Variants in CSNK2A2 observed in about 807,000 individuals in gnomAD.
CSNK2A2 encodes casein kinase 2 alpha 2, also known as casein kinase II subunit alpha'.
A neutral mutation model predicts 54.0 loss-of-function variants in CSNK2A2; 8 were observed. The ratio of observed to expected loss-of-function variants is 0.15; its 90% CI spans 0.09 to 0.27. The LOEUF (loss-of-function observed/expected upper bound fraction) is 0.27. Ranked by LOEUF, CSNK2A2 falls within the 10% of genes least tolerant of loss-of-function variation. CSNK2A2 has a pLI of 1.00. For missense variants in CSNK2A2, 242 were observed against 439.4 expected (o/e 0.55, Z 4.02); for synonymous variants, 141 against 153.9 (o/e 0.92, Z 0.62).
At position 58,197,763 on chromosome 16, in the gene CSNK2A2, GGGCGCAGAGGGTGGCGGCGGC is replaced by G; in HGVS notation, c.-48_-28del. The G allele has an allele frequency of 1.1e-6, 1 of 921,606 alleles. No homozygotes were observed. Among genetic ancestry groups the G allele is most frequent in the Middle Eastern group, 4.6e-4 (1 of 2,192 alleles). The allele number at this position is 921,606 out of a possible 1,614,324, so 57.1% of individuals were successfully genotyped here. A position where few individuals can be genotyped will look rare whatever the true frequency, so the allele number is the denominator to read the frequency against. On this transcript the variant is annotated 5_prime_UTR_variant, in exon 1 of 12. Coordinates refer to ENST00000262506, the MANE Select transcript of CSNK2A2 (RefSeq NM_001896.4). The surrounding 1 kb of genome is among the most constrained non-coding windows in gnomAD (Gnocchi z 4.0). ...GCGGGCGGGACCGGGGGGCGGCGCG[GGGCGCAGAGGGTGGCGGCGGC>G]GGCGCGGCGGGGGACGCGGGGCGTC...
At chr16:58,162,499 A>G (rs1350687470) in intron 11 of CSNK2A2, 1 of 152,230 alleles carries the variant, frequency 6.6e-6, no homozygotes, top group Non-Finnish European at 1.5e-5. Context: ...CAAAAATAGA[A>G]TCTACATTTA....
At chr16:58,175,867 T>G (rs1025753565) in intron 4 of CSNK2A2, among the ~76,000 whole-genome samples, 8 of 152,136 alleles carry the variant, frequency 5.3e-5, no homozygotes, top group Admixed American at 3.9e-4. Flanking sequence ...GTACATGGTG[T>G]TGTGGGGTTG....
At chr16:58,184,892 T>C (rs944282210) in intron 3 of CSNK2A2, among the ~76,000 whole-genome samples, 1 of 152,194 alleles carries the variant, frequency 6.6e-6, no homozygotes, top group Non-Finnish European at 1.5e-5. Context: ...CAATAAGCTA[T>C]ACTATAATAT....
chr16:58,161,526 G>GACACACACACACAC lies in CSNK2A2; in HGVS notation c.*17+2527_*17+2528insGTGTGTGTGTGTGT, dbSNP rs1164766819. The GACACACACACACAC allele has an allele frequency of 2.3e-4, 25 of 107,500 alleles. 1 individual carries two copies. Among genetic ancestry groups the GACACACACACACAC allele is most frequent in the African/African-American group, 1.5e-3 (22 of 14,636 alleles). 6.7% of individuals were successfully genotyped at this position (107,500 alleles called of 1,614,324 possible). On this transcript the variant is annotated intron_variant, in intron 11 of 11. Coordinates refer to ENST00000262506, the MANE Select transcript of CSNK2A2 (RefSeq NM_001896.4). ...GTTTAGTCTAAATATTAGACACACA[G>GACACACACACACAC]ACACACACACAGACACACACACAGA...
chr16:58,186,730 A>G, intron 3 of CSNK2A2, 25 bp downstream of exon 3: 1 of 1,564,774 alleles, frequency 6.4e-7, no homozygotes, highest in Non-Finnish European at 8.8e-7. Flanking sequence ...CTACTAGTAT[A>G]CTCCCCCAAC....
intron 3 of CSNK2A2, among the ~76,000 whole-genome samples, chr16:58,184,813 T>C (rs1191092131): frequency 6.6e-6 from 1 of 152,088 alleles, no homozygotes; most frequent in African/African-American, 2.4e-5. Flanking sequence ...AGAATTATCA[T>C]AGGTTGTGGG....
intron 11 of CSNK2A2, chr16:58,163,448 G>GA (rs1961456678): frequency 6.6e-6 from 1 of 152,054 alleles, no homozygotes; most frequent in Admixed American, 6.5e-5. Flanking sequence ...GGACTCTTGT[G>GA]AAAGTGACTG....
At chr16:58,184,186 C>G in intron 4 of CSNK2A2, 74 bp downstream of exon 4, 1 of 1,200,602 alleles carries the variant, frequency 8.3e-7, no homozygotes, top group Non-Finnish European at 1.2e-6. Context: ...CCCTTGGGTT[C>G]TGGAGTACAC....
chr16:58,183,115 T>C (rs1051717997), intron 4 of CSNK2A2, among the ~76,000 whole-genome samples: 4 of 151,974 alleles, frequency 2.6e-5, no homozygotes, highest in African/African-American at 9.7e-5. Context: ...ATCCCAGCCC[T>C]CTGGGAGGCC....
chr16:58,186,725 A>G, intron 3 of CSNK2A2, 30 bp downstream of exon 3: 1 of 1,525,914 alleles, frequency 6.6e-7, no homozygotes, highest in Non-Finnish European at 9.1e-7. Context: ...CCGGTCTACT[A>G]GTATACTCCC....
intron 2 of CSNK2A2, among the ~76,000 whole-genome samples, chr16:58,188,190 G>A (rs1962239458): frequency 6.6e-6 from 1 of 152,152 alleles, no homozygotes; most frequent in Non-Finnish European, 1.5e-5. Context: ...ACCTATAACA[G>A]GGGGCTCAAC....
chr16:58,173,761 C>T (rs1961802169), intron 5 of CSNK2A2, among the ~76,000 whole-genome samples: 1 of 152,194 alleles, frequency 6.6e-6, no homozygotes, highest in Non-Finnish European at 1.5e-5. Context: ...AATATGCCTA[C>T]ATATTCAATG....
At chr16:58,175,990 C>T (rs945973221) in intron 4 of CSNK2A2, among the ~76,000 whole-genome samples, 1 of 152,132 alleles carries the variant, frequency 6.6e-6, no homozygotes, top group African/African-American at 2.4e-5. Flanking sequence ...GCTTTTTGTT[C>T]TTCTCCCAGC....
chr16:58,166,780 A>C, intron 8 of CSNK2A2, 96 bp from the exon 9 acceptor site: 2 of 839,114 alleles, frequency 2.4e-6, no homozygotes, highest in Non-Finnish European at 4.0e-6. Flanking sequence ...CTTCCACACC[A>C]CTAAACCTCT....
rs1176343107 is a variant in CSNK2A2, at chr16:58,165,835, G to A, written c.828-127C>T. On this transcript the variant is annotated intron_variant, in intron 9 of 11. Transcript: ENST00000262506. Reference sequence around the variant, plus strand: ...TACAAGCTTGTTAAATCTCTAACTGGTGCCTGCCCTACGGCCCCATAGTTA... The same window carrying A: ...TACAAGCTTGTTAAATCTCTAACTGATGCCTGCCCTACGGCCCCATAGTTA... The A allele has an allele frequency of 5.0e-6, 5 of 995,976 alleles. No individual in the cohort carries two copies. The African/African-American group carries it at 6.6e-5, about 13-fold the overall frequency. The allele number at this position is 995,976 out of a possible 1,614,324, so 61.7% of individuals were successfully genotyped here. A position where few individuals can be genotyped will look rare whatever the true frequency, so the allele number is the denominator to read the frequency against.
chr16:58,169,811 G>A (rs1961686430), intron 5 of CSNK2A2, among the ~76,000 whole-genome samples: 1 of 152,020 alleles, frequency 6.6e-6, no homozygotes, highest in African/African-American at 2.4e-5. Flanking sequence ...AGAACTTTCG[G>A]AGGCAGGCAG....
chr16:58,163,534 T>TA (rs1029954709), intron 11 of CSNK2A2: 1 of 152,110 alleles, frequency 6.6e-6, no homozygotes. Flanking sequence ...CTCATGTCAT[T>TA]AAAAAATACA....
At chr16:58,178,213 T>A (rs1961929597) in intron 4 of CSNK2A2, among the ~76,000 whole-genome samples, 1 of 152,152 alleles carries the variant, frequency 6.6e-6, no homozygotes, top group South Asian at 2.1e-4. Flanking sequence ...GGAGCCCATT[T>A]GGAGTGTCTT....
intron 7 of CSNK2A2, 99 bp downstream of exon 7, chr16:58,167,586 C>A: frequency 1.1e-6 from 1 of 887,102 alleles, no homozygotes; most frequent in Non-Finnish European, 1.8e-6. Context: ...GAAATAATGG[C>A]TGGGTTTTGA....
Sources: allele counts gnomAD v4.1 joint callset (sites outside exome capture counted in the v4.1 genomes callset), GRCh38; gene constraint gnomAD v4.1.1; non-coding constraint Gnocchi (gnomAD v3.1); transcripts MANE v1.5; gene names NCBI Gene and HGNC (gene_info 2026-07-23, HGNC 2026-07-21).